The following EVI5 variants were observed in gnomAD, a reference collection of about 807,000 sequenced individuals.
EVI5 encodes the protein ecotropic viral integration site 5 protein homolog.
In EVI5, 73 loss-of-function variants were observed where a neutral mutation model predicts 112.0. The observed-to-expected ratio is 0.65, with a 90% CI of 0.54 to 0.79. The LOEUF is 0.79. Ranked by LOEUF, EVI5 falls within the 30% of genes least tolerant of loss-of-function variation. The pLI, the probability that EVI5 is intolerant of heterozygous loss-of-function variation, is 0.00. For missense variants in EVI5, 900 were observed against 968.8 expected (o/e 0.93, Z 0.94); for synonymous variants, 305 against 319.9 (o/e 0.95, Z 0.50).
chr1:92,721,033 G>C (rs1250403966), intron 2 of EVI5, among the ~76,000 whole-genome samples: 1 of 152,208 alleles, frequency 6.6e-6, no homozygotes, highest in African/African-American at 2.4e-5. Flanking sequence ...AACAACAGAT[G>C]CTGGAGAGGA....
At chr1:92,679,336 G>A (rs545257615) in intron 9 of EVI5, among the ~76,000 whole-genome samples, 5 of 152,176 alleles carry the variant, frequency 3.3e-5, no homozygotes, top group South Asian at 4.2e-4. Context: ...TAAGATAGCC[G>A]ACAGAATTTA....
Position 92,626,576 on chromosome 1 carries a change from A to C in EVI5, c.1528-642T>G, listed in dbSNP as rs147236098. 3.3e-5 allele frequency among the ~76,000 whole-genome samples: 5 copies of C among 152,278 alleles called. No homozygotes were observed. In the East Asian group the frequency reaches 9.7e-4, roughly 29 times the overall value. On this transcript the variant is annotated intron_variant, in intron 14 of 19. Transcript: ENST00000684568. ...TGCTGGCTCAGATGGTAATTGTTCT[A>C]TGTTTAACTTTTAAGAAACTGCCAA...
chr1:92,695,934 CT>C lies in EVI5; in HGVS notation c.766-482del, dbSNP rs1199108717. ...CTAGTAATTCAAAACATAAATGAGA[CT>C]TTTTTTTTTTTTTGAGATGGGGTCT... On this transcript the variant is annotated intron_variant, in intron 6 of 19. Transcript: ENST00000684568. Among the ~76,000 whole-genome samples the C allele has an allele frequency of 2.4e-3, 339 of 144,190 alleles. 1 individual carries two copies. Among genetic ancestry groups the C allele is most frequent in the East Asian group, 5.0e-3 (25 of 4,996 alleles). The allele number at this position is 144,190 out of a possible 152,430, so 94.6% of individuals were successfully genotyped here. A position where few individuals can be genotyped will look rare whatever the true frequency, so the allele number is the denominator to read the frequency against.
chr1:92,668,932 G>A (rs1665384974), intron 10 of EVI5, among the ~76,000 whole-genome samples: 1 of 152,160 alleles, frequency 6.6e-6, no homozygotes, highest in Non-Finnish European at 1.5e-5. Flanking sequence ...GTATACTAAA[G>A]TAGCTAAGAG....
chr1:92,634,792 T>C (rs905153000), intron 14 of EVI5, among the ~76,000 whole-genome samples: 8 of 152,208 alleles, frequency 5.3e-5, no homozygotes, highest in Admixed American at 5.2e-4. Flanking sequence ...GCTCTGTTTT[T>C]TCCCCATCTT....
intron 2 of EVI5, among the ~76,000 whole-genome samples, chr1:92,735,341 A>G (rs1340202674): frequency 2.6e-5 from 4 of 152,096 alleles, no homozygotes; most frequent in African/African-American, 9.7e-5. Flanking sequence ...ATTCTAGAAA[A>G]TGCAAACTAC....
rs377275028 is a variant in EVI5 at position 92,523,742 on chromosome 1, T to C, written c.2167-9772A>G. 3.3e-5 allele frequency among the ~76,000 whole-genome samples: 5 copies of C among 152,148 alleles called. No homozygotes were observed. In the South Asian group the frequency reaches 6.2e-4, roughly 19 times the overall value. On this transcript the variant is annotated intron_variant, in intron 19 of 19. Coordinates refer to ENST00000684568, the MANE Select transcript of EVI5 (RefSeq NM_001350197.2). Reference sequence around the variant, plus strand: ...GTGAGAATATTAGAGATGTTAAGAGTACCCTTCTGACTTGCTAATTCTCTA... The same window carrying C: ...GTGAGAATATTAGAGATGTTAAGAGCACCCTTCTGACTTGCTAATTCTCTA...
intron 14 of EVI5, among the ~76,000 whole-genome samples, chr1:92,635,408 C>T: frequency 6.6e-6 from 1 of 152,170 alleles, no homozygotes; most frequent in East Asian, 1.9e-4. Flanking sequence ...CTCGCTGCCG[C>T]CTTGCAGTTT....
At chr1:92,712,232 A>G (rs1399588336) in intron 2 of EVI5, among the ~76,000 whole-genome samples, 1 of 152,198 alleles carries the variant, frequency 6.6e-6, no homozygotes, top group Non-Finnish European at 1.5e-5. Flanking sequence ...ATACTGTAAC[A>G]ATGAGAGAAT....
intron 16 of EVI5, 80 bp downstream of exon 16, chr1:92,624,096 T>C: frequency 7.8e-7 from 1 of 1,279,742 alleles, no homozygotes; most frequent in South Asian, 1.3e-5. Context: ...TTATCTCTGT[T>C]CTAGGGATGA....
At chr1:92,640,089 T>G (rs1659646650) in intron 13 of EVI5, among the ~76,000 whole-genome samples, 1 of 152,204 alleles carries the variant, frequency 6.6e-6, no homozygotes, top group Non-Finnish European at 1.5e-5. Flanking sequence ...GATCCCTTCC[T>G]CACATGTTAT....
chr1:92,559,044 C>T (rs1280682953), intron 19 of EVI5, among the ~76,000 whole-genome samples: 3 of 152,116 alleles, frequency 2.0e-5, no homozygotes, highest in Non-Finnish European at 2.9e-5. Flanking sequence ...ATGCACAAGT[C>T]CCTTATATCA....
intron 2 of EVI5, among the ~76,000 whole-genome samples, chr1:92,736,193 G>A (rs1007476808): frequency 1.6e-4 from 24 of 151,892 alleles, no homozygotes; most frequent in Non-Finnish European, 3.5e-4. Flanking sequence ...GCTATATTAA[G>A]AAAACAAATC....
chr1:92,679,445 T>C (rs936469449), intron 9 of EVI5, among the ~76,000 whole-genome samples: 1 of 152,210 alleles, frequency 6.6e-6, no homozygotes, highest in African/African-American at 2.4e-5. Flanking sequence ...GTTATCATTA[T>C]GCATTATGTA....
intron 19 of EVI5, among the ~76,000 whole-genome samples, chr1:92,557,104 C>T (rs1423888367): frequency 1.3e-5 from 2 of 151,968 alleles, no homozygotes; most frequent in East Asian, 1.9e-4. Flanking sequence ...GAAAAATTGC[C>T]TTCCCAACAA....
Position 92,694,348 on chromosome 1 carries a change from T to A in EVI5, c.950A>T (p.Gln317Leu). 1.2e-6 allele frequency: 2 copies of A among 1,607,052 alleles called. No individual in the cohort carries two copies. The highest frequency in any genetic ancestry group is 1.7e-6 in the Non-Finnish European group (2 of 1,174,550). ...TTGCATCAGTTCTGCCTGATTCATCTGAAGAAGTGCTAATCCTACACGAAA... is the reference window on the plus strand; with the variant it reads ...TTGCATCAGTTCTGCCTGATTCATCAGAAGAAGTGCTAATCCTACACGAAA... Reference protein sequence around the residue: ...IVFRVGLALLQMNQAELMQLD... With the variant: ...IVFRVGLALLLMNQAELMQLD... The change falls in exon 8 of 20, where the codon CAG becomes CTG. Residue 317 changes from glutamine to leucine, a missense_variant. Coordinates refer to ENST00000684568, the MANE Select transcript of EVI5 (RefSeq NM_001350197.2).
At chr1:92,788,336 T>C (rs1345608707), upstream of EVI5, among the ~76,000 whole-genome samples, 1 of 150,600 alleles carries the variant, frequency 6.6e-6, no homozygotes, top group African/African-American at 2.4e-5. Context: ...TAGCCGGGCA[T>C]GGTGGCGTGT....
chr1:92,662,695 G>C lies in EVI5; in HGVS notation c.1392+24C>G, dbSNP rs1458576061. ...AAAGGAAGGGGGATGAGAAAGATGAGAAAAGCACTACCAGACTCCTTACCC... is the reference window on the plus strand; with the variant it reads ...AAAGGAAGGGGGATGAGAAAGATGACAAAAGCACTACCAGACTCCTTACCC... On this transcript the variant is annotated intron_variant, in intron 13 of 19. Transcript: ENST00000684568. The C allele has an allele frequency of 4.3e-6, 5 of 1,150,632 alleles. No individual in the cohort carries two copies. In the African/African-American group the frequency reaches 5.0e-5, roughly 11 times the overall value. The allele number at this position is 1,150,632 out of a possible 1,614,324, so 71.3% of individuals were successfully genotyped here.
intron 1 of EVI5, among the ~76,000 whole-genome samples, chr1:92,781,566 T>C (rs1333852526): frequency 2.6e-5 from 4 of 151,974 alleles, no homozygotes; most frequent in Admixed American, 1.3e-4. Flanking sequence ...AATATGTTCA[T>C]ATTCTCAGGT....
Sources: allele counts gnomAD v4.1 joint callset (sites outside exome capture counted in the v4.1 genomes callset), GRCh38; gene constraint gnomAD v4.1.1; transcripts MANE v1.5; gene names NCBI Gene and HGNC (gene_info 2026-07-23, HGNC 2026-07-21).